ZNRF3: variants seen among roughly 807,000 people sequenced by gnomAD.
The protein encoded by ZNRF3 is zinc and ring finger 3.
Under a neutral mutation model 72.5 loss-of-function variants are expected in ZNRF3, and 23 were observed. The observed-to-expected ratio is 0.32, with a 90% CI of 0.23 to 0.45. The LOEUF is 0.45. Among genes scored for constraint, ZNRF3 ranks in the 20% least tolerant of loss-of-function variants. ZNRF3 has a pLI of 1.00. For missense variants in ZNRF3, 1,169 were observed against 1,272.1 expected (o/e 0.92, Z 1.23); for synonymous variants, 610 against 545.3 (o/e 1.12, Z -1.65).
intron 1 of ZNRF3, among the ~76,000 whole-genome samples, chr22:28,956,890 C>G (rs944758298): frequency 6.6e-6 from 1 of 152,312 alleles, no homozygotes; most frequent in Admixed American, 6.5e-5. Flanking sequence ...AAGCATGGCT[C>G]TTTTCCCAAA....
At chr22:29,041,504 A>G (rs1233361870) in intron 2 of ZNRF3, among the ~76,000 whole-genome samples, 1 of 152,192 alleles carries the variant, frequency 6.6e-6, no homozygotes, top group Non-Finnish European at 1.5e-5. Context: ...GAATCCCGTC[A>G]CTTCTCATTT....
At chr22:29,023,032 TG>T (rs2036566669) in intron 2 of ZNRF3, among the ~76,000 whole-genome samples, 1 of 152,160 alleles carries the variant, frequency 6.6e-6, no homozygotes, top group Non-Finnish European at 1.5e-5. Flanking sequence ...TCCAACAAAT[TG>T]GTTTTTAAAA....
chr22:29,029,794 A>T (rs954994017), intron 2 of ZNRF3, among the ~76,000 whole-genome samples: 1 of 152,180 alleles, frequency 6.6e-6, no homozygotes, highest in Non-Finnish European at 1.5e-5. Context: ...GCCTTCAGAG[A>T]GAGCCTGCCC....
chr22:28,982,952 G>T (rs1249795506), intron 1 of ZNRF3, among the ~76,000 whole-genome samples: 1 of 152,150 alleles, frequency 6.6e-6, no homozygotes, highest in African/African-American at 2.4e-5. Flanking sequence ...TTGCACTGGA[G>T]ATGTAAACTG....
In ZNRF3 at chr22:29,050,543, G is replaced by T; in HGVS notation, c.2362G>T (p.Ala788Ser). Residue 788 changes from alanine (A) to serine (S), a missense_variant, in exon 8 of 9, where the codon GCC (alanine) becomes TCC (serine). Physicochemically the swap from Ala to Ser is moderately conservative, Grantham distance 99. Around this residue, in one of 2 missense-constraint regions of ZNRF3, gnomAD observed 783 missense variants for 731.4 expected, o/e 1.07. Coordinates refer to ENST00000544604, the MANE Select transcript of ZNRF3 (RefSeq NM_001206998.2). ...CTGCTTCTATGAAGAGAAGCAGGTGGCCCGCGGGGGCGGAGGGGGCAGCGG... is the reference window on the plus strand; with the variant it reads ...CTGCTTCTATGAAGAGAAGCAGGTGTCCCGCGGGGGCGGAGGGGGCAGCGG... ...PCCFYEEKQVARGGGGGSGCY... is the reference protein window; with the variant it reads ...PCCFYEEKQVSRGGGGGSGCY... 1 of 1,610,508 alleles carries T rather than the reference G, an allele frequency of 6.2e-7. No individual in the cohort carries two copies. The highest frequency in any genetic ancestry group is 8.5e-7 in the Non-Finnish European group (1 of 1,178,816).
intron 1 of ZNRF3, among the ~76,000 whole-genome samples, chr22:28,897,600 G>A (rs1036231076): frequency 1.2e-4 from 18 of 152,246 alleles, no homozygotes; most frequent in Non-Finnish European, 2.1e-4. Context: ...GATTACTGGC[G>A]TGAGCCACCG....
intron 1 of ZNRF3, among the ~76,000 whole-genome samples, chr22:28,929,373 G>A (rs77192810): frequency 0.033 from 5,024 of 152,212 alleles, 227 homozygotes; most frequent in African/African-American, 0.1. Context: ...TGTCCTGTGC[G>A]TTGTAGGATA....
intron 2 of ZNRF3, among the ~76,000 whole-genome samples, chr22:29,001,282 G>C (rs1231836381): frequency 6.6e-6 from 1 of 151,416 alleles, no homozygotes; most frequent in Admixed American, 6.6e-5. Flanking sequence ...TGTTAACCAG[G>C]ATGGAGCTTT....
chr22:28,913,499 A>G (rs1347792321), intron 1 of ZNRF3, among the ~76,000 whole-genome samples: 1 of 152,182 alleles, frequency 6.6e-6, no homozygotes, highest in Non-Finnish European at 1.5e-5. Flanking sequence ...TGGAAGGCCA[A>G]CACCAAGTTA....
chr22:28,913,500 C>T (rs1013921213), intron 1 of ZNRF3, among the ~76,000 whole-genome samples: 2 of 152,064 alleles, frequency 1.3e-5, no homozygotes, highest in Non-Finnish European at 2.9e-5. Flanking sequence ...GGAAGGCCAA[C>T]ACCAAGTTAA....
intron 2 of ZNRF3, among the ~76,000 whole-genome samples, chr22:29,019,800 G>C (rs984214711): frequency 2.6e-5 from 4 of 152,260 alleles, no homozygotes; most frequent in Admixed American, 2.0e-4. Context: ...GGAAACTAGG[G>C]ATCAAATATT....
intron 2 of ZNRF3, among the ~76,000 whole-genome samples, chr22:29,022,628 TGTCC>T: frequency 6.6e-6 from 1 of 152,372 alleles, no homozygotes; most frequent in East Asian, 1.9e-4. Flanking sequence ...TTTTGTCAGC[TGTCC>T]GTCTTACAAG....
At chr22:28,910,274 C>G (rs1212018108) in intron 1 of ZNRF3, among the ~76,000 whole-genome samples, 1 of 152,164 alleles carries the variant, frequency 6.6e-6, no homozygotes, top group Non-Finnish European at 1.5e-5. Flanking sequence ...CTCCTGACCT[C>G]AAGTGATCTG....
chr22:28,922,865 TC>T (rs1315220154), intron 1 of ZNRF3, among the ~76,000 whole-genome samples: 1 of 152,112 alleles, frequency 6.6e-6, no homozygotes, highest in Non-Finnish European at 1.5e-5. Context: ...CTTTTCTTAC[TC>T]CTGAGTTAAA....
At chr22:28,942,253 G>C (rs2034961933) in intron 1 of ZNRF3, among the ~76,000 whole-genome samples, 1 of 152,240 alleles carries the variant, frequency 6.6e-6, no homozygotes, top group Non-Finnish European at 1.5e-5. Flanking sequence ...CCGATGCAGA[G>C]AGCCTGGATG....
At chr22:29,001,298 T>A (rs1432398622) in intron 2 of ZNRF3, among the ~76,000 whole-genome samples, 1 of 151,658 alleles carries the variant, frequency 6.6e-6, no homozygotes, top group South Asian at 2.1e-4. Context: ...GCTTTACCTA[T>A]TTTTTTAATT....
At chr22:28,906,692 A>G (rs1195406850) in intron 1 of ZNRF3, among the ~76,000 whole-genome samples, 1 of 152,270 alleles carries the variant, frequency 6.6e-6, no homozygotes, top group Non-Finnish European at 1.5e-5. Flanking sequence ...AGAAAGCATC[A>G]GGTAAACCAC....
At chr22:28,946,720 G>A (rs1051738250) in intron 1 of ZNRF3, among the ~76,000 whole-genome samples, 7 of 152,196 alleles carry the variant, frequency 4.6e-5, no homozygotes, top group Non-Finnish European at 8.8e-5. Context: ...TTGTCTAGGA[G>A]CATCAGAGTG....
rs1338284498 is a variant in ZNRF3 at position 29,056,826 on chromosome 22, C to T, written c.*3204C>T. On this transcript the variant is annotated 3_prime_UTR_variant, in exon 9 of 9. Transcript: ENST00000544604. The stretch of plus-strand genomic sequence containing the variant: ...CTTTAACTCTCAGCTCCTTCCCTGT[C>T]TCCTCCTAATCCAAGCCCTTTTATA... The T allele has an allele frequency of 1.3e-5, 2 of 152,242 alleles. No homozygotes were observed. The highest frequency in any genetic ancestry group is 2.9e-5 in the Non-Finnish European group (2 of 68,052). 9.4% of individuals were successfully genotyped at this position (152,242 alleles called of 1,614,324 possible).
Sources: allele counts gnomAD v4.1 joint callset (sites outside exome capture counted in the v4.1 genomes callset), GRCh38; gene constraint gnomAD v4.1.1; regional missense constraint gnomAD v4.1.1; transcripts MANE v1.5; gene names NCBI Gene and HGNC (gene_info 2026-07-23, HGNC 2026-07-21).